Variants in CDH13 observed in about 807,000 individuals in gnomAD.
CDH13 encodes the protein cadherin 13, also known as cadherin-13.
In CDH13, 24 loss-of-function variants were observed where a neutral mutation model predicts 63.8. That is an observed-to-expected ratio of 0.38 (90% CI 0.27 to 0.53). The LOEUF is 0.53. CDH13 is among the 20% of genes least tolerant of loss of function. The pLI is 0.85. For synonymous variants in CDH13, 503 were observed against 355.3 expected (o/e 1.42, Z -4.67); for missense variants, 1,049 against 903.1 (o/e 1.16, Z -2.07).
intron 2 of CDH13, among the ~76,000 whole-genome samples, chr16:82,909,828 G>A (rs759983119): frequency 6.6e-6 from 1 of 152,114 alleles, no homozygotes; most frequent in Admixed American, 6.5e-5. Context: ...GATGTACTTC[G>A]CATATCATGT....
chr16:83,153,335 T>C (rs940782361), intron 4 of CDH13, among the ~76,000 whole-genome samples: 1 of 152,076 alleles, frequency 6.6e-6, no homozygotes, highest in Non-Finnish European at 1.5e-5. Flanking sequence ...GTGGTGCCAG[T>C]TGATCCATCA....
intron 1 of CDH13, among the ~76,000 whole-genome samples, chr16:82,855,925 G>C (rs1440961065): frequency 6.6e-6 from 1 of 152,164 alleles, no homozygotes; most frequent in Non-Finnish European, 1.5e-5. Flanking sequence ...ACTGCTTTGA[G>C]TTCTCTGGTG....
At chr16:83,672,512 C>G (rs1489249777) in intron 9 of CDH13, among the ~76,000 whole-genome samples, 2 of 147,284 alleles carry the variant, frequency 1.4e-5, no homozygotes, top group African/African-American at 5.0e-5. Context: ...GCAACCTCCA[C>G]CTCCTGGGTT....
intron 1 of CDH13, among the ~76,000 whole-genome samples, chr16:82,665,469 G>A (rs757996310): frequency 6.6e-6 from 1 of 152,130 alleles, no homozygotes; most frequent in Non-Finnish European, 1.5e-5. Flanking sequence ...TTTCTACTAG[G>A]AGCAATGGTT....
chr16:82,989,463 A>G (rs1019974892), intron 2 of CDH13, among the ~76,000 whole-genome samples: 1 of 152,186 alleles, frequency 6.6e-6, no homozygotes, highest in African/African-American at 2.4e-5. Context: ...TCAGGATCCT[A>G]TAAACTTATT....
chr16:83,258,736 G>A (rs1016088536), intron 5 of CDH13, among the ~76,000 whole-genome samples: 10 of 152,178 alleles, frequency 6.6e-5, no homozygotes, highest in Admixed American at 1.3e-4. Flanking sequence ...TTGTATGTGC[G>A]CGTTGTGGTG....
intron 4 of CDH13, among the ~76,000 whole-genome samples, chr16:83,149,485 G>A (rs539782110): frequency 6.6e-6 from 1 of 152,258 alleles, no homozygotes; most frequent in African/African-American, 2.4e-5. Context: ...AGGGGATATG[G>A]TACAATTGAA....
intron 5 of CDH13, among the ~76,000 whole-genome samples, chr16:83,254,344 A>C (rs965722049): frequency 1.3e-5 from 2 of 152,222 alleles, no homozygotes; most frequent in Non-Finnish European, 2.9e-5. Flanking sequence ...TCCTCTTGGA[A>C]GCCTCATGCA....
intron 2 of CDH13, among the ~76,000 whole-genome samples, chr16:82,947,044 G>GTGTC (rs1904806533): frequency 6.7e-6 from 1 of 150,088 alleles, no homozygotes. Flanking sequence ...GTGTGTGTGT[G>GTGTC]TGTGATGTTG....
intron 2 of CDH13, among the ~76,000 whole-genome samples, chr16:82,931,531 G>A (rs907320917): frequency 6.4e-5 from 9 of 140,250 alleles, no homozygotes; most frequent in Non-Finnish European, 1.2e-4. Context: ...TTTTTTTGAT[G>A]TTTGTTAGGA....
chr16:83,225,033 C>A (rs1266365931), intron 5 of CDH13, among the ~76,000 whole-genome samples: 1 of 152,128 alleles, frequency 6.6e-6, no homozygotes, highest in African/African-American at 2.4e-5. Context: ...AGACTAACAG[C>A]GTCACCTGGG....
chr16:83,651,047 G>A (rs569145018), intron 8 of CDH13, among the ~76,000 whole-genome samples: 1 of 152,228 alleles, frequency 6.6e-6, no homozygotes, highest in South Asian at 2.1e-4. Flanking sequence ...GCTGCAGTGA[G>A]CCATCATCAC....
At chr16:83,454,275 GA>G (rs1350785231) in intron 6 of CDH13, among the ~76,000 whole-genome samples, 4 of 152,224 alleles carry the variant, frequency 2.6e-5, no homozygotes, top group African/African-American at 9.6e-5. Context: ...GGGTGTCTGA[GA>G]AAATGATTGA....
At position 83,512,298 on chromosome 16, in the gene CDH13, C is replaced by T. The variant is rs549340331; in HGVS notation, c.960+25643C>T. On this transcript the variant is annotated intron_variant, in intron 7 of 13. Transcript: ENST00000567109. Reference sequence around the variant, plus strand: ...ATTGCACCACTGCACTCTAGCCTGGCGGACAGAGTGAAACTCCGTCTCAAA... The same window carrying T: ...ATTGCACCACTGCACTCTAGCCTGGTGGACAGAGTGAAACTCCGTCTCAAA... Among the ~76,000 whole-genome samples the T allele has an allele frequency of 5.8e-4, 86 of 147,430 alleles. No homozygotes were observed. The South Asian group carries it at 0.016, about 28-fold the overall frequency.
At chr16:83,556,157 A>G (rs540286048) in intron 7 of CDH13, among the ~76,000 whole-genome samples, 18 of 152,350 alleles carry the variant, frequency 1.2e-4, no homozygotes, top group African/African-American at 4.3e-4. Context: ...TTCTAACTCA[A>G]ACGTTAGGAG....
intron 2 of CDH13, among the ~76,000 whole-genome samples, chr16:83,005,201 C>A (rs762437218): frequency 6.6e-6 from 1 of 152,124 alleles, no homozygotes; most frequent in African/African-American, 2.4e-5. Context: ...GGGCTTTAAC[C>A]GGTGGCTCTA....
At chr16:83,648,282 C>G (rs1912028897) in intron 8 of CDH13, among the ~76,000 whole-genome samples, 2 of 152,056 alleles carry the variant, frequency 1.3e-5, no homozygotes, top group African/African-American at 4.8e-5. Flanking sequence ...TGGGTGGTCT[C>G]GAGGCAGAAC....
intron 7 of CDH13, among the ~76,000 whole-genome samples, chr16:83,538,997 A>G (rs1460528491): frequency 6.6e-6 from 1 of 152,188 alleles, no homozygotes; most frequent in Non-Finnish European, 1.5e-5. Context: ...ACTTTTCAGA[A>G]CTTTTATTAA....
chr16:83,712,397 A>G (rs1216149376), intron 10 of CDH13, among the ~76,000 whole-genome samples: 1 of 152,244 alleles, frequency 6.6e-6, no homozygotes, highest in Non-Finnish European at 1.5e-5. Context: ...TCTTTGCCCA[A>G]CAGGAAGGTT....
Sources: allele counts gnomAD v4.1 joint callset (sites outside exome capture counted in the v4.1 genomes callset), GRCh38; gene constraint gnomAD v4.1.1; transcripts MANE v1.5; gene names NCBI Gene and HGNC (gene_info 2026-07-23, HGNC 2026-07-21).